Variants in ZNF385D observed in about 807,000 individuals in gnomAD.
ZNF385D encodes the protein zinc finger protein 385D, also known as zinc finger protein 659.
ZNF385D carries 15 observed loss-of-function variants against 35.8 expected under a neutral mutation model. The observed-to-expected ratio is 0.42, with a 90% confidence interval of 0.28 to 0.64. The LOEUF (loss-of-function observed/expected upper bound fraction) is 0.64. Among genes scored for constraint, ZNF385D ranks in the 30% least tolerant of loss-of-function variants. The probability of loss-of-function intolerance (pLI) is 0.23; values close to 1 mark genes in which losing one functional copy is unlikely to be tolerated. For missense variants in ZNF385D, 474 were observed against 494.6 expected (o/e 0.96, Z 0.39); for synonymous variants, 212 against 186.8 (o/e 1.13, Z -1.10).
At chr3:22,023,843 T>C (rs1697371121) in intron 3 of ZNF385D, among the ~76,000 whole-genome samples, 1 of 152,088 alleles carries the variant, frequency 6.6e-6, no homozygotes, top group South Asian at 2.1e-4. Flanking sequence ...TACAGGGCTG[T>C]AGGATGAGGC....
chr3:21,777,472 C>G (rs1259967698), intron 3 of ZNF385D: 1 of 151,886 alleles, frequency 6.6e-6, no homozygotes, highest in Non-Finnish European at 1.5e-5. Flanking sequence ...TCACCAAGTT[C>G]TGAATGCAGC....
chr3:21,828,382 A>G (rs1344446434), intron 3 of ZNF385D, among the ~76,000 whole-genome samples: 1 of 152,228 alleles, frequency 6.6e-6, no homozygotes, highest in African/African-American at 2.4e-5. Context: ...GAATGATATA[A>G]TAAATATATG....
chr3:22,271,526 C>A (rs894503829), intron 2 of ZNF385D, among the ~76,000 whole-genome samples: 1 of 151,898 alleles, frequency 6.6e-6, no homozygotes, highest in South Asian at 2.1e-4. Flanking sequence ...CCCATTTAAT[C>A]GGGCCTCAGC....
At chr3:21,848,486 G>T (rs1234210354) in intron 3 of ZNF385D, among the ~76,000 whole-genome samples, 1 of 151,546 alleles carries the variant, frequency 6.6e-6, no homozygotes, top group Non-Finnish European at 1.5e-5. Context: ...AGATAAAATT[G>T]ATAATCTACC....
chr3:21,939,920 A>AT (rs1172806428), intron 3 of ZNF385D, among the ~76,000 whole-genome samples: 3 of 152,190 alleles, frequency 2.0e-5, no homozygotes, highest in Non-Finnish European at 4.4e-5. Context: ...AAAAATTCAC[A>AT]TAGGGAGTGA....
intron 1 of ZNF385D, among the ~76,000 whole-genome samples, chr3:21,666,418 C>A (rs1385417933): frequency 6.6e-6 from 1 of 152,200 alleles, no homozygotes; most frequent in African/African-American, 2.4e-5. Context: ...TTTTCCCCCA[C>A]TGTCTTACCT....
intron 3 of ZNF385D, among the ~76,000 whole-genome samples, chr3:21,990,544 A>G (rs1695091343): frequency 6.6e-6 from 1 of 152,232 alleles, no homozygotes; most frequent in Non-Finnish European, 1.5e-5. Context: ...TCTATTATAT[A>G]AATATGCAAT....
intron 3 of ZNF385D, among the ~76,000 whole-genome samples, chr3:21,515,376 G>A (rs1707492479): frequency 6.6e-6 from 1 of 151,992 alleles, no homozygotes; most frequent in Non-Finnish European, 1.5e-5. Context: ...TTTATTATAA[G>A]CATATATATC....
intron 3 of ZNF385D, among the ~76,000 whole-genome samples, chr3:21,791,892 G>T (rs543428055): frequency 2.0e-4 from 30 of 152,074 alleles, no homozygotes; most frequent in African/African-American, 7.0e-4. Flanking sequence ...GTGCCACCAC[G>T]CCCAGCTAAT....
intron 3 of ZNF385D, among the ~76,000 whole-genome samples, chr3:22,039,778 G>C (rs534568894): frequency 6.6e-6 from 1 of 152,170 alleles, no homozygotes; most frequent in African/African-American, 2.4e-5. Context: ...AGGGTACATC[G>C]TTTTAGGAGT....
chr3:22,116,953 T>C (rs1702843368), intron 3 of ZNF385D, among the ~76,000 whole-genome samples: 1 of 152,010 alleles, frequency 6.6e-6, no homozygotes, highest in Non-Finnish European at 1.5e-5. Context: ...AACCACCCTA[T>C]ACAATGGTTA....
intron 3 of ZNF385D, among the ~76,000 whole-genome samples, chr3:22,048,628 T>C (rs1441839689): frequency 6.6e-6 from 1 of 152,176 alleles, no homozygotes. Context: ...AACAGTACCA[T>C]GTTGTTTTGA....
chr3:22,188,512 C>T (rs888097859), intron 2 of ZNF385D, among the ~76,000 whole-genome samples: 12 of 151,858 alleles, frequency 7.9e-5, no homozygotes, highest in South Asian at 2.1e-4. Context: ...TCCAGTGGCG[C>T]GATCTCTGCT....
intron 3 of ZNF385D, among the ~76,000 whole-genome samples, chr3:21,943,816 A>G (rs1701650761): frequency 6.6e-6 from 1 of 152,222 alleles, no homozygotes; most frequent in African/African-American, 2.4e-5. Flanking sequence ...TGGCCAAACT[A>G]AGCCTGAAAA....
intron 3 of ZNF385D, among the ~76,000 whole-genome samples, chr3:21,823,611 A>G (rs1028829992): frequency 5.3e-5 from 8 of 152,216 alleles, no homozygotes; most frequent in Non-Finnish European, 1.0e-4. Flanking sequence ...CAAGGTGATA[A>G]TTTTGCACAC....
intron 3 of ZNF385D, among the ~76,000 whole-genome samples, chr3:21,926,921 C>A (rs1278114129): frequency 1.3e-5 from 2 of 152,088 alleles, no homozygotes; most frequent in Non-Finnish European, 2.9e-5. Flanking sequence ...GGCTAATATC[C>A]AGAATCTACA....
intron 2 of ZNF385D, among the ~76,000 whole-genome samples, chr3:21,664,095 G>A (rs1467607782): frequency 6.8e-6 from 1 of 147,210 alleles, no homozygotes; most frequent in Non-Finnish European, 1.5e-5. Context: ...TTATCTGAAG[G>A]CTGAAAAGAT....
upstream of ZNF385D, among the ~76,000 whole-genome samples, chr3:21,753,999 T>G (rs575576299): frequency 6.6e-6 from 1 of 152,314 alleles, no homozygotes; most frequent in East Asian, 1.9e-4. Flanking sequence ...TTTATCCATA[T>G]TGTCACAAAT....
chr3:21,424,164 G>A (rs1700875256), intron 6 of ZNF385D, 100 bp from the exon 7 acceptor site: 1 of 1,064,508 alleles, frequency 9.4e-7, no homozygotes, highest in Admixed American at 3.3e-5. Flanking sequence ...ATTATTTCAT[G>A]CAAGTTTCAG....
Sources: gnomAD v4.1 joint callset for allele counts (sites outside exome capture counted in the v4.1 genomes callset) on GRCh38, gnomAD v4.1.1 for gene constraint, MANE v1.5 for transcripts, NCBI Gene and HGNC (gene_info 2026-07-23, HGNC 2026-07-21) for gene names.